SHISA9: variants seen among roughly 807,000 people sequenced by gnomAD.
SHISA9 encodes the protein shisa family member 9, also known as protein shisa-9.
SHISA9 carries 13 observed loss-of-function variants against 38.0 expected under a neutral mutation model. That is an observed-to-expected ratio of 0.34 (90% CI 0.22 to 0.54). The LOEUF (loss-of-function observed/expected upper bound fraction) is 0.54. SHISA9 is among the 20% of genes least tolerant of loss of function. The pLI, the probability that SHISA9 is intolerant of heterozygous loss-of-function variation, is 0.91. For synonymous variants in SHISA9, 275 were observed against 242.0 expected (o/e 1.14, Z -1.27); for missense variants, 538 against 575.8 (o/e 0.93, Z 0.67).
At chr16:13,014,206 G>A (rs2072713746) in intron 2 of SHISA9, among the ~76,000 whole-genome samples, 1 of 152,158 alleles carries the variant, frequency 6.6e-6, no homozygotes, top group African/African-American at 2.4e-5. Flanking sequence ...TACAGTTGGT[G>A]TCAGAGTTGA....
chr16:13,457,636 G>T, the SHISA9 span, among the ~76,000 whole-genome samples: 1 of 151,338 alleles, frequency 6.6e-6, no homozygotes, highest in South Asian at 2.1e-4. Flanking sequence ...TGTTCTTTCT[G>T]TATTACCTAG....
the SHISA9 span, among the ~76,000 whole-genome samples, chr16:13,432,655 C>A: frequency 6.6e-6 from 1 of 151,954 alleles, no homozygotes; most frequent in East Asian, 1.9e-4. Flanking sequence ...CTACTATGTT[C>A]AAAGCACAGG....
chr16:13,540,375 A>G, the SHISA9 span, among the ~76,000 whole-genome samples: 32 of 152,326 alleles, frequency 2.1e-4, no homozygotes, highest in African/African-American at 6.3e-4. Context: ...TTGGCAGGCT[A>G]GAAGTGCAGC....
the SHISA9 span, among the ~76,000 whole-genome samples, chr16:13,433,815 G>T: frequency 6.6e-6 from 1 of 152,184 alleles, no homozygotes; most frequent in African/African-American, 2.4e-5. Context: ...AGGATAGGCA[G>T]CCCTGGTGTG....
chr16:13,230,599 C>T (rs1267706794), intron 4 of SHISA9, among the ~76,000 whole-genome samples: 2 of 152,052 alleles, frequency 1.3e-5, no homozygotes, highest in Non-Finnish European at 2.9e-5. Context: ...GCATGGCCAC[C>T]TTTGTTACGG....
chr16:13,435,405 A>T, the SHISA9 span, among the ~76,000 whole-genome samples: 4 of 152,342 alleles, frequency 2.6e-5, no homozygotes, highest in South Asian at 2.1e-4. Context: ...ATGACAGTAA[A>T]CTATGTCACA....
At chr16:13,141,965 A>G (rs958246418) in intron 2 of SHISA9, among the ~76,000 whole-genome samples, 1 of 152,238 alleles carries the variant, frequency 6.6e-6, no homozygotes, top group Non-Finnish European at 1.5e-5. Context: ...CTGGAGAGAC[A>G]GATCTGTAGA....
At chr16:13,379,165 G>A in the SHISA9 span, among the ~76,000 whole-genome samples, 1 of 152,170 alleles carries the variant, frequency 6.6e-6, no homozygotes, top group Non-Finnish European at 1.5e-5. Context: ...AGGATGTCCA[G>A]AGGATGTGGG....
At chr16:13,021,600 G>A (rs563356661) in intron 2 of SHISA9, among the ~76,000 whole-genome samples, 17 of 152,270 alleles carry the variant, frequency 1.1e-4, no homozygotes, top group African/African-American at 2.4e-4. Flanking sequence ...CAGGAAGGCC[G>A]GGAGCAGGAT....
At chr16:13,166,869 T>C (rs2050640646) in intron 2 of SHISA9, among the ~76,000 whole-genome samples, 1 of 152,118 alleles carries the variant, frequency 6.6e-6, no homozygotes, top group Non-Finnish European at 1.5e-5. Context: ...AGCTAATGCA[T>C]GCTGTGCTTA....
rs145903495 is a variant in SHISA9, at chr16:12,962,818, A to G, written c.691+46003A>G. ...TTGAATCACCCTGATTTTCATTTGG[A>G]AAGTTACATCCCCCTTCCTAGGTGT... On this transcript the variant is annotated intron_variant, in intron 2 of 4. Coordinates refer to ENST00000558583, the MANE Select transcript of SHISA9 (RefSeq NM_001145204.3). Among the ~76,000 whole-genome samples the G allele has an allele frequency of 4.8e-3, 732 of 152,280 alleles. 4 individuals are homozygous for G. The highest frequency in any genetic ancestry group is 0.017 in the African/African-American group (705 of 41,554).
At chr16:12,923,237 G>A (rs1391354526) in intron 2 of SHISA9, among the ~76,000 whole-genome samples, 2 of 152,134 alleles carry the variant, frequency 1.3e-5, no homozygotes, top group African/African-American at 4.8e-5. Flanking sequence ...ATATAAAATT[G>A]TGGGAGATGG....
chr16:13,358,742 T>C, the SHISA9 span, among the ~76,000 whole-genome samples: 1 of 152,226 alleles, frequency 6.6e-6, no homozygotes, highest in Admixed American at 6.5e-5. Context: ...AACATAAGAC[T>C]GTTGACAGTT....
At chr16:13,327,591 G>A in the SHISA9 span, among the ~76,000 whole-genome samples, 1 of 152,052 alleles carries the variant, frequency 6.6e-6, no homozygotes, top group South Asian at 2.1e-4. Context: ...ACTCCAGCCT[G>A]GGTGACAGGG....
intron 2 of SHISA9, among the ~76,000 whole-genome samples, chr16:12,981,198 TA>T (rs1257991660): frequency 2.0e-5 from 3 of 152,198 alleles, no homozygotes; most frequent in Non-Finnish European, 2.9e-5. Flanking sequence ...GTTCAGGGGC[TA>T]GGGGGTAGGT....
intron 2 of SHISA9, among the ~76,000 whole-genome samples, chr16:13,038,660 C>A (rs1041546046): frequency 6.6e-6 from 1 of 152,186 alleles, no homozygotes; most frequent in East Asian, 1.9e-4. Context: ...CTTCTCCGAC[C>A]CTTAACATCA....
chr16:13,016,074 G>A (rs952191270), intron 2 of SHISA9, among the ~76,000 whole-genome samples: 7 of 144,422 alleles, frequency 4.8e-5, no homozygotes, highest in Non-Finnish European at 9.0e-5. Context: ...TGCAACCTCC[G>A]CCTCCTTGGC....
At chr16:12,946,877 CCT>C (rs769416367) in intron 2 of SHISA9, among the ~76,000 whole-genome samples, 3 of 152,350 alleles carry the variant, frequency 2.0e-5, no homozygotes, top group South Asian at 4.1e-4. Flanking sequence ...CTGCTTGCCC[CCT>C]GTTATTGTAA....
At chr16:13,063,647 A>G (rs1224930205) in intron 2 of SHISA9, among the ~76,000 whole-genome samples, 2 of 152,172 alleles carry the variant, frequency 1.3e-5, no homozygotes, top group Non-Finnish European at 2.9e-5. Context: ...GCGCAATGGC[A>G]TTGACAGCTC....
Sources: gnomAD v4.1 joint callset for allele counts (sites outside exome capture counted in the v4.1 genomes callset) on GRCh38, gnomAD v4.1.1 for gene constraint, MANE v1.5 for transcripts, NCBI Gene and HGNC (gene_info 2026-07-23, HGNC 2026-07-21) for gene names.